ACTL6B: variants seen among roughly 807,000 people sequenced by gnomAD.
The protein encoded by ACTL6B is actin like 6B.
Under a neutral mutation model 63.3 loss-of-function variants are expected in ACTL6B, and 48 were observed. The ratio of observed to expected loss-of-function variants is 0.76; its 90% CI spans 0.60 to 0.96. The LOEUF (loss-of-function observed/expected upper bound fraction) is 0.96, where lower values mean the gene tolerates loss of function less well. Among genes scored for constraint, ACTL6B ranks in the 50% least tolerant of loss-of-function variants. ACTL6B has a pLI of 0.00. For synonymous variants in ACTL6B, 230 were observed against 223.8 expected (o/e 1.03, Z -0.25); for missense variants, 350 against 572.2 (o/e 0.61, Z 3.96).
Position 100,645,760 on chromosome 7 carries a change from T to G in ACTL6B, c.1200+489A>C, listed in dbSNP as rs536735350. The stretch of plus-strand genomic sequence containing the variant: ...GATTCTCCTGCCTCAGCCTCCTGAA[T>G]AGCTGGGATTACAGGCATGCACCAC... On this transcript the variant is annotated intron_variant, in intron 13 of 13. Coordinates refer to ENST00000160382, the MANE Select transcript of ACTL6B (RefSeq NM_016188.5). Among the ~76,000 whole-genome samples the G allele has an allele frequency of 3.7e-4, 57 of 152,088 alleles. No individual in the cohort carries two copies. The South Asian group carries it at 0.011, about 29-fold the overall frequency.
intron 4 of ACTL6B, among the ~76,000 whole-genome samples, chr7:100,652,446 A>G (rs1229529633): frequency 1.3e-5 from 2 of 148,906 alleles, no homozygotes; most frequent in African/African-American, 2.5e-5. Flanking sequence ...AAATACAAAA[A>G]ATTAGTCGGA....
rs1023847719 is a variant in ACTL6B at position 100,654,100 on chromosome 7, G to A, written c.369+919C>T. ...CCATTCTCCTGCCTCAGCCTCCCGA[G>A]TAGCTGGGACTACAGGTGCCCGCCA... On this transcript the variant is annotated intron_variant, in intron 4 of 13. Coordinates refer to ENST00000160382, the MANE Select transcript of ACTL6B (RefSeq NM_016188.5). Among the ~76,000 whole-genome samples the A allele has an allele frequency of 3.3e-5, 5 of 151,774 alleles. No homozygotes were observed. In the East Asian group the frequency reaches 9.7e-4, roughly 30 times the overall value.
At chr7:100,643,485 C>T (rs1325561418) in intron 13 of ACTL6B, among the ~76,000 whole-genome samples, 159 bp from the exon 14 acceptor site, 1 of 152,182 alleles carries the variant, frequency 6.6e-6, no homozygotes, top group African/African-American at 2.4e-5. Context: ...CTCGGTCTGT[C>T]CCCTTTCATA....
Position 100,648,508 on chromosome 7 carries a change from C to T in ACTL6B, c.669+48G>A, listed in dbSNP as rs761063461. ...TGTCAGAGGGTTGACGGCCATGGGGCGAGTGGCCAGGACTCTAGTGGCAGC... is the reference window on the plus strand; with the variant it reads ...TGTCAGAGGGTTGACGGCCATGGGGTGAGTGGCCAGGACTCTAGTGGCAGC... On this transcript the variant is annotated intron_variant, in intron 7 of 13. Transcript: ENST00000160382. The surrounding 1 kb of genome is among the most constrained non-coding windows in gnomAD (Gnocchi z 4.4). 1.6e-5 allele frequency: 23 copies of T among 1,482,740 alleles called. No individual in the cohort carries two copies. Among genetic ancestry groups the T allele is most frequent in the Admixed American group, 4.3e-5 (2 of 46,146 alleles). The allele number at this position is 1,482,740 out of a possible 1,614,324, so 91.8% of individuals were successfully genotyped here.
chr7:100,647,238 G>C lies in ACTL6B; in HGVS notation c.806C>G (p.Ser269Cys). 1.2e-6 allele frequency: 2 copies of C among 1,613,522 alleles called. No homozygotes were observed. Among genetic ancestry groups the C allele is most frequent in the Non-Finnish European group, 1.7e-6 (2 of 1,179,956 alleles). Residue 269 changes from serine (S) to cysteine (C), a missense_variant, in exon 9 of 14, where the codon TCC becomes TGC. This residue lies in a region of ACTL6B where 250 missense variants were observed against 364.7 expected (regional missense o/e 0.69). Coordinates refer to ENST00000160382, the MANE Select transcript of ACTL6B (RefSeq NM_016188.5). This position sits in a 1 kb window ranked among gnomAD's most constrained non-coding sequence, Gnocchi z 4.4. ...FQASVLQVSD[S>C]PYDEQVAAQM... The stretch of plus-strand genomic sequence containing the variant: ...CCACACTCACTGTTCATCGTAGGGG[G>C]AGTCTGAGACCTGCAGCACGGAGGC...
At chr7:100,650,257 G>C (rs1166666287) in intron 4 of ACTL6B, 122 bp from the exon 5 acceptor site, 16 of 751,948 alleles carry the variant, frequency 2.1e-5, no homozygotes, top group Non-Finnish European at 3.4e-5. Flanking sequence ...CCAAACACTT[G>C]CACACACATA....
At position 100,646,712 on chromosome 7, in the gene ACTL6B, GGGCCCCTT is replaced by G. The variant is rs764194880; in HGVS notation, c.1017+31_1017+38del. 6.7e-5 allele frequency: 108 copies of G among 1,612,960 alleles called. 2 individuals are homozygous for G. Among genetic ancestry groups the G allele is most frequent in the Non-Finnish European group, 8.5e-6 (10 of 1,179,702 alleles). On this transcript the variant is annotated intron_variant, in intron 11 of 13. Transcript: ENST00000160382. The surrounding 1 kb of genome is among the most constrained non-coding windows in gnomAD (Gnocchi z 6.1). ...CCAACCCCGTCTCCCCACTTCCCCTGGGCCCCTTTGCCGAGCCTCAGCTCCGGCCTGGC... is the reference window on the plus strand; with the variant it reads ...CCAACCCCGTCTCCCCACTTCCCCTGTGCCGAGCCTCAGCTCCGGCCTGGC...
chr7:100,654,129 T>G (rs1478688234), intron 4 of ACTL6B, among the ~76,000 whole-genome samples: 3 of 151,742 alleles, frequency 2.0e-5, no homozygotes, highest in Non-Finnish European at 4.4e-5. Context: ...CCCGCCACCA[T>G]GCCTGGCTAA....
At chr7:100,644,928 C>T (rs535806691) in intron 13 of ACTL6B, among the ~76,000 whole-genome samples, 6 of 152,168 alleles carry the variant, frequency 3.9e-5, no homozygotes, top group South Asian at 2.1e-4. Context: ...TGGTGGCTCA[C>T]GCATGTAATC....
intron 5 of ACTL6B, 86 bp downstream of exon 5, chr7:100,649,952 T>A: frequency 7.9e-7 from 1 of 1,258,382 alleles, no homozygotes; most frequent in Admixed American, 1.8e-5. Flanking sequence ...GAACCAGGCC[T>A]GACCCTCCAG....
intron 4 of ACTL6B, among the ~76,000 whole-genome samples, chr7:100,651,255 AT>A (rs1295790265): frequency 4.0e-5 from 6 of 151,128 alleles, no homozygotes; most frequent in South Asian, 2.1e-4. Context: ...CTTATTTTAA[AT>A]TTTTTTTTTA....
Position 100,646,760 on chromosome 7 carries a change from A to C in ACTL6B, c.1008T>G (p.Asp336Glu). Residue 336 changes from aspartate (D) to glutamate (E), a missense_variant, in exon 11 of 14, where the codon GAT becomes GAG. Around this residue, in one of 3 missense-constraint regions of ACTL6B, gnomAD observed 76 missense variants for 126.1 expected, o/e 0.60. Coordinates refer to ENST00000160382, the MANE Select transcript of ACTL6B (RefSeq NM_016188.5). The surrounding 1 kb of genome is among the most constrained non-coding windows in gnomAD (Gnocchi z 6.1). ...VTTSIGMCDIDIRPGLYGSVI... is the reference protein window; with the variant it reads ...VTTSIGMCDIEIRPGLYGSVI... ...TCCGGCCTGGCCTCACCGGGCGAATATCAATGTCACACATGCCGATGCTGG... is the reference window on the plus strand; with the variant it reads ...TCCGGCCTGGCCTCACCGGGCGAATCTCAATGTCACACATGCCGATGCTGG... 6.2e-7 allele frequency: 1 copy of C among 1,613,584 alleles called. No homozygotes were observed. Among genetic ancestry groups the C allele is most frequent in the Non-Finnish European group, 8.5e-7 (1 of 1,179,968 alleles).
chr7:100,644,930 C>T (rs550707571), intron 13 of ACTL6B, among the ~76,000 whole-genome samples: 91 of 152,216 alleles, frequency 6.0e-4, no homozygotes, highest in African/African-American at 2.2e-3. Flanking sequence ...GTGGCTCACG[C>T]ATGTAATCCC....
Position 100,648,468 on chromosome 7 carries a change from C to T in ACTL6B, c.669+88G>A. The stretch of plus-strand genomic sequence containing the variant: ...CCACTGGGGAGCCTGCTGCTCTCTG[C>T]TCTGATATCTCATGTGTCAGAGGGT... On this transcript the variant is annotated intron_variant, in intron 7 of 13. Coordinates refer to ENST00000160382, the MANE Select transcript of ACTL6B (RefSeq NM_016188.5). The surrounding 1 kb of genome is among the most constrained non-coding windows in gnomAD (Gnocchi z 4.4). 2.5e-6 allele frequency: 3 copies of T among 1,187,392 alleles called. No individual in the cohort carries two copies. The highest frequency in any genetic ancestry group is 3.5e-6 in the Non-Finnish European group (3 of 861,410). The allele number at this position is 1,187,392 out of a possible 1,614,324, so 73.6% of individuals were successfully genotyped here.
intron 4 of ACTL6B, among the ~76,000 whole-genome samples, chr7:100,654,517 A>G (rs1182664201): frequency 1.3e-5 from 2 of 151,332 alleles, no homozygotes; most frequent in Admixed American, 1.3e-4. Context: ...GTGGTGCCTC[A>G]TGCCTGTAAT....
At chr7:100,652,735 G>C (rs978036641) in intron 4 of ACTL6B, among the ~76,000 whole-genome samples, 1 of 151,986 alleles carries the variant, frequency 6.6e-6, no homozygotes, top group Non-Finnish European at 1.5e-5. Context: ...TGGGATGGTG[G>C]CTTACGCCTG....
In ACTL6B at chr7:100,655,498, A is replaced by T; in HGVS notation, c.191T>A (p.Ile64Asn). 3 of 1,614,008 alleles carry T rather than the reference A, an allele frequency of 1.9e-6. No homozygotes were observed. The highest frequency in any genetic ancestry group is 2.5e-6 in the Non-Finnish European group (3 of 1,179,968). The change falls in exon 3 of 14, where the codon ATC becomes AAC. Residue 64 changes from isoleucine to asparagine, a missense_variant. By Grantham distance (149) the Ile-to-Asn change is moderately radical. Transcript: ENST00000160382. This position sits in a 1 kb window ranked among gnomAD's most constrained non-coding sequence, Gnocchi z 4.4. The stretch of plus-strand genomic sequence containing the variant: ...CAGGGCATTGGTGTCGATGTGGAAG[A>T]TCTTCCCTTTCTTCTCTTTGTCCCC... ...LEGDKEKKGK[I>N]FHIDTNALHV...
chr7:100,654,219 G>A (rs1227564535), intron 4 of ACTL6B, among the ~76,000 whole-genome samples: 6 of 151,610 alleles, frequency 4.0e-5, no homozygotes, highest in East Asian at 2.0e-4. Flanking sequence ...TGATCCACCC[G>A]CCTCGGCCTC....
chr7:100,654,063 C>G (rs1455241354), intron 4 of ACTL6B, among the ~76,000 whole-genome samples: 1 of 151,772 alleles, frequency 6.6e-6, no homozygotes, highest in Non-Finnish European at 1.5e-5. Context: ...AGCTCCGCCT[C>G]CCGGGTTCAC....
Sources: allele counts gnomAD v4.1 joint callset (sites outside exome capture counted in the v4.1 genomes callset), GRCh38; gene constraint gnomAD v4.1.1; regional missense constraint gnomAD v4.1.1; non-coding constraint Gnocchi (gnomAD v3.1); transcripts MANE v1.5; gene names NCBI Gene and HGNC (gene_info 2026-07-23, HGNC 2026-07-21).